Variants in SCUBE3 observed in about 807,000 individuals in gnomAD.
The protein encoded by SCUBE3 is signal peptide, CUB domain and EGF like domain containing 3.
SCUBE3 carries 33 observed loss-of-function variants against 116.8 expected under a neutral mutation model. That is an observed-to-expected ratio of 0.28 (90% CI 0.21 to 0.38). SCUBE3 has a LOEUF of 0.38. Among genes scored for constraint, SCUBE3 ranks in the 10% least tolerant of loss-of-function variants. The pLI is 1.00. For synonymous variants in SCUBE3, 418 were observed against 496.9 expected, an observed-to-expected ratio of 0.84 and a Z score of 2.11; for missense variants, 1,007 against 1,324.8, an observed-to-expected ratio of 0.76 and a Z score of 3.72.
chr6:35,237,982 G>A lies in SCUBE3; in HGVS notation c.793G>A (p.Gly265Ser). Residue 265 changes from glycine to serine, a missense_variant, in exon 7 of 22, where the codon GGC (glycine) becomes AGC (serine). By Grantham distance (56) the Gly-to-Ser change is moderately conservative. Coordinates refer to ENST00000274938, the MANE Select transcript of SCUBE3 (RefSeq NM_152753.4). ...TGGTGTCCACTGCACCTGCCCTGTG[G>A]GCTTCATGCTGCAGCCAGACAGGAA... ...ATGVHCTCPV[G>S]FMLQPDRKTC... 1 of 1,610,930 alleles carries A rather than the reference G, an allele frequency of 6.2e-7. No individual in the cohort carries two copies. The highest frequency in any genetic ancestry group is 8.5e-7 in the Non-Finnish European group (1 of 1,177,350).
chr6:35,241,324 G>A lies in SCUBE3; in HGVS notation c.1195+58G>A. 1 of 1,539,348 alleles carries A rather than the reference G, an allele frequency of 6.5e-7. No individual in the cohort carries two copies. Among genetic ancestry groups the A allele is most frequent in the Admixed American group, 1.8e-5 (1 of 56,280 alleles). The stretch of plus-strand genomic sequence containing the variant: ...ACTGCCATTTCAGGGAGCAGTTGGG[G>A]TTCTGGAAAGCATAGAGTATCACAT... On this transcript the variant is annotated intron_variant, in intron 10 of 21. Coordinates refer to ENST00000274938, the MANE Select transcript of SCUBE3 (RefSeq NM_152753.4). The surrounding 1 kb of genome is among the most constrained non-coding windows in gnomAD (Gnocchi z 4.1).
rs940471996 is a variant in SCUBE3 at position 35,233,963 on chromosome 6, C to T, written c.712+662C>T. ...TCCACCAGCAACCCTGTTTCTTCCT[C>T]ACCAACTCCAGCCTTCCATCTCTTA... On this transcript the variant is annotated intron_variant, in intron 6 of 21. Transcript: ENST00000274938. The surrounding 1 kb of genome is among the most constrained non-coding windows in gnomAD (Gnocchi z 5.7). Among the ~76,000 whole-genome samples the T allele has an allele frequency of 1.3e-5, 2 of 152,210 alleles. No individual in the cohort carries two copies. Among genetic ancestry groups the T allele is most frequent in the Non-Finnish European group, 2.9e-5 (2 of 68,044 alleles).
rs1246267461 is a variant in SCUBE3, at chr6:35,251,341, G to C, written c.*2636G>C. The C allele has an allele frequency of 2.6e-5, 4 of 151,724 alleles. No individual in the cohort carries two copies. The highest frequency in any genetic ancestry group is 9.7e-5 in the African/African-American group (4 of 41,232). 9.4% of individuals were successfully genotyped at this position (151,724 alleles called of 1,614,324 possible). A position where few individuals can be genotyped will look rare whatever the true frequency, so the allele number is the denominator to read the frequency against. On this transcript the variant is annotated 3_prime_UTR_variant, in exon 22 of 22. Transcript: ENST00000274938. ...AATTTTTGTATTTTTAGTAGAGATG[G>C]GGTTTCACCATGTTGCCCGGGCTGG...
In SCUBE3 at chr6:35,241,807, G is replaced by C; in HGVS notation, c.1314G>C (p.Glu438Asp). The change falls in exon 12 of 22, where the codon GAG becomes GAC. Residue 438 changes from glutamate to aspartate, a missense_variant and splice_region_variant. Transcript: ENST00000274938. This position sits in a 1 kb window ranked among gnomAD's most constrained non-coding sequence, Gnocchi z 4.1. ...TCPSRARFLP[E>D]SENGFTVSCG... ...ACTGTGACAGGCTCCTTTTCTCAGA[G>C]TCTGAGAATGGCTTCACGGTGAGCT... The C allele has an allele frequency of 6.2e-7, 1 of 1,609,680 alleles. No homozygotes were observed. The highest frequency in any genetic ancestry group is 8.5e-7 in the Non-Finnish European group (1 of 1,176,206).
At chr6:35,227,280 T>G (rs1234645072) in intron 1 of SCUBE3, among the ~76,000 whole-genome samples, 1 of 152,250 alleles carries the variant, frequency 6.6e-6, no homozygotes, top group Non-Finnish European at 1.5e-5. Context: ...TTAAGTGTAC[T>G]ACCCACTCTA....
At chr6:35,237,201 C>T (rs898690966) in intron 6 of SCUBE3, among the ~76,000 whole-genome samples, 2 of 152,148 alleles carry the variant, frequency 1.3e-5, no homozygotes, top group Non-Finnish European at 2.9e-5. Flanking sequence ...ACAACATCTC[C>T]CCATTAGCAG....
intron 1 of SCUBE3, among the ~76,000 whole-genome samples, chr6:35,218,347 G>C (rs563820783): frequency 1.3e-5 from 2 of 152,266 alleles, no homozygotes; most frequent in East Asian, 3.9e-4. Context: ...TAAAGAAGTG[G>C]AATGGCTTGG....
At position 35,248,848 on chromosome 6, in the gene SCUBE3, C is replaced by G. The variant is rs1784454276; in HGVS notation, c.*143C>G. On this transcript the variant is annotated 3_prime_UTR_variant, in exon 22 of 22. Transcript: ENST00000274938. Reference sequence around the variant, plus strand: ...AATATCACTACACAAACCAGGCACTCTCCCTTTCTGTCTTTCTAGTTTCCT... The same window carrying G: ...AATATCACTACACAAACCAGGCACTGTCCCTTTCTGTCTTTCTAGTTTCCT... The G allele has an allele frequency of 1.5e-6, 1 of 662,202 alleles. No individual in the cohort carries two copies. Among genetic ancestry groups the G allele is most frequent in the Non-Finnish European group, 2.6e-6 (1 of 381,866 alleles). The allele number at this position is 662,202 out of a possible 1,614,324, so 41.0% of individuals were successfully genotyped here.
Position 35,242,791 on chromosome 6 carries a change from G to C in SCUBE3, c.1693+11G>C. 1.9e-6 allele frequency: 3 copies of C among 1,611,704 alleles called. No individual in the cohort carries two copies. The South Asian group carries it at 3.3e-5, about 18-fold the overall frequency. On this transcript the variant is annotated intron_variant, in intron 14 of 21. Coordinates refer to ENST00000274938, the MANE Select transcript of SCUBE3 (RefSeq NM_152753.4). ...CCGAAGAAACCACAGGTGGGACTGGGGGCACTGTTGGGAAGAGGACTGGAA... is the reference window on the plus strand; with the variant it reads ...CCGAAGAAACCACAGGTGGGACTGGCGGCACTGTTGGGAAGAGGACTGGAA...
At chr6:35,225,535 T>A (rs1400919509) in intron 1 of SCUBE3, among the ~76,000 whole-genome samples, 1 of 152,182 alleles carries the variant, frequency 6.6e-6, no homozygotes, top group African/African-American at 2.4e-5. Context: ...CTATGGAGCC[T>A]GAGCGAGGTG....
chr6:35,230,481 GC>G (rs1400315517), intron 3 of SCUBE3, among the ~76,000 whole-genome samples: 1 of 152,198 alleles, frequency 6.6e-6, no homozygotes. Context: ...CATGCTCTGG[GC>G]CTTAGCTTCC....
At position 35,233,044 on chromosome 6, in the gene SCUBE3, C is replaced by T. The variant is rs1783616184; in HGVS notation, c.595+69C>T. 1 of 1,578,566 alleles carries T rather than the reference C, an allele frequency of 6.3e-7. No individual in the cohort carries two copies. The highest frequency in any genetic ancestry group is 1.7e-5 in the Admixed American group (1 of 59,502). On this transcript the variant is annotated intron_variant, in intron 5 of 21. Coordinates refer to ENST00000274938, the MANE Select transcript of SCUBE3 (RefSeq NM_152753.4). The surrounding 1 kb of genome is among the most constrained non-coding windows in gnomAD (Gnocchi z 5.7). ...GAAAACATAGAGGAAGGGTATAGGG[C>T]TTCAGGAGCAAGAGGACAGGGCTGG...
rs1231700392 is a variant in SCUBE3 at position 35,252,696 on chromosome 6, A to G, written c.*3991A>G. The G allele has an allele frequency of 6.6e-6, 1 of 152,190 alleles. No individual in the cohort carries two copies. Among genetic ancestry groups the G allele is most frequent in the Non-Finnish European group, 1.5e-5 (1 of 68,028 alleles). The allele number at this position is 152,190 out of a possible 1,614,324, so 9.4% of individuals were successfully genotyped here. On this transcript the variant is annotated 3_prime_UTR_variant, in exon 22 of 22. Transcript: ENST00000274938. ...TAGCACACCCTATCCTTGTGCCATT[A>G]TTTGTACAAGGAAATATATGATTAG...
chr6:35,220,089 C>G (rs574316888), intron 1 of SCUBE3, among the ~76,000 whole-genome samples: 1 of 152,196 alleles, frequency 6.6e-6, no homozygotes, highest in African/African-American at 2.4e-5. Context: ...TTCCGCTCCA[C>G]GGTTATATAC....
rs746264050 is a variant in SCUBE3 at position 35,237,961 on chromosome 6, G to A, written c.772G>A (p.Val258Ile). ...TAAGTGCCATGATGCAGCGACTGGT[G>A]TCCACTGCACCTGCCCTGTGGGCTT... ...DSKCHDAATG[V>I]HCTCPVGFML... The change falls in exon 7 of 22, where the codon GTC (valine) becomes ATC (isoleucine). Residue 258 changes from valine (V) to isoleucine (I), a missense_variant. Around this residue, in one of 5 missense-constraint regions of SCUBE3, gnomAD observed 214 missense variants for 316.7 expected, o/e 0.68. Transcript: ENST00000274938. 18 of 1,612,900 alleles carry A rather than the reference G, an allele frequency of 1.1e-5. No individual in the cohort carries two copies. Among genetic ancestry groups the A allele is most frequent in the Non-Finnish European group, 1.3e-5 (15 of 1,179,064 alleles).
Position 35,244,241 on chromosome 6 carries a change from T to C in SCUBE3, c.2239+111T>C, listed in dbSNP as rs1442925232. ...CCCACCATTTTCTCCAAACCAGTAATGGGCCCAGCTACTTGACCAACCATA... is the reference window on the plus strand; with the variant it reads ...CCCACCATTTTCTCCAAACCAGTAACGGGCCCAGCTACTTGACCAACCATA... On this transcript the variant is annotated intron_variant, in intron 17 of 21. Transcript: ENST00000274938. The surrounding 1 kb of genome is among the most constrained non-coding windows in gnomAD (Gnocchi z 4.3). 3.2e-5 allele frequency: 30 copies of C among 930,364 alleles called. No homozygotes were observed. The highest frequency in any genetic ancestry group is 3.2e-6 in the Non-Finnish European group (2 of 618,990). The allele number at this position is 930,364 out of a possible 1,614,324, so 57.6% of individuals were successfully genotyped here.
At position 35,237,992 on chromosome 6, in the gene SCUBE3, T is replaced by C. The variant is rs773882151; in HGVS notation, c.803T>C (p.Leu268Pro). Reference protein sequence around the residue: ...VHCTCPVGFMLQPDRKTCKDI... With the variant: ...VHCTCPVGFMPQPDRKTCKDI... ...TGCACCTGCCCTGTGGGCTTCATGC[T>C]GCAGCCAGACAGGAAGACGTGCAAA... The change falls in exon 7 of 22, where the codon CTG (leucine) becomes CCG (proline). Residue 268 changes from leucine (L) to proline (P), a missense_variant. Around this residue, in one of 5 missense-constraint regions of SCUBE3, gnomAD observed 214 missense variants for 316.7 expected, o/e 0.68. Coordinates refer to ENST00000274938, the MANE Select transcript of SCUBE3 (RefSeq NM_152753.4). 5.0e-6 allele frequency: 8 copies of C among 1,609,002 alleles called. No individual in the cohort carries two copies. The African/African-American group carries it at 8.0e-5, about 16-fold the overall frequency.
chr6:35,240,069 G>A lies in SCUBE3; in HGVS notation c.952+195G>A, dbSNP rs1027428370. ...GCTCCATATCAAAGCATTCAGCCTG[G>A]CAAGGACTGAGGGATGGATTTCACC... On this transcript the variant is annotated intron_variant, in intron 8 of 21. Transcript: ENST00000274938. The surrounding 1 kb of genome is among the most constrained non-coding windows in gnomAD (Gnocchi z 4.6). 6.6e-6 allele frequency among the ~76,000 whole-genome samples: 1 copy of A among 152,158 alleles called. No individual in the cohort carries two copies. Among genetic ancestry groups the A allele is most frequent in the Non-Finnish European group, 1.5e-5 (1 of 68,034 alleles).
chr6:35,227,594 G>T lies in SCUBE3; in HGVS notation c.100G>T (p.Val34Leu). ...SKAAQDVDEC[V>L]EGTDNCHIDA... ...GCCCCTGCCAGATGTGGATGAGTGTGTGGAGGGGACTGACAACTGCCACAT... is the reference window on the plus strand; with the variant it reads ...GCCCCTGCCAGATGTGGATGAGTGTTTGGAGGGGACTGACAACTGCCACAT... The change falls in exon 2 of 22, where the codon GTG becomes TTG. Residue 34 changes from valine to leucine, a missense_variant. This residue lies in a region of SCUBE3 where 94 missense variants were observed against 92.0 expected (regional missense o/e 1.02). Transcript: ENST00000274938. 1 of 1,614,154 alleles carries T rather than the reference G, an allele frequency of 6.2e-7. No homozygotes were observed. The highest frequency in any genetic ancestry group is 1.7e-5 in the Admixed American group (1 of 60,020).
Sources: gnomAD v4.1 joint callset for allele counts (sites outside exome capture counted in the v4.1 genomes callset) on GRCh38, gnomAD v4.1.1 for gene constraint, gnomAD v4.1.1 regional missense constraint, Gnocchi (gnomAD v3.1) non-coding constraint, MANE v1.5 for transcripts, NCBI Gene and HGNC (gene_info 2026-07-23, HGNC 2026-07-21) for gene names.